TTC7A: variants seen among roughly 807,000 people sequenced by gnomAD.
The protein encoded by TTC7A is tetratricopeptide repeat protein 7A.
A neutral mutation model predicts 103.7 loss-of-function variants in TTC7A; 110 were observed. That is an observed-to-expected ratio of 1.06 (90% CI 0.91 to 1.24). The LOEUF (loss-of-function observed/expected upper bound fraction) is 1.24. Ranked by LOEUF, TTC7A falls within the 50% of genes most tolerant of loss-of-function variation. The pLI is 0.00. For synonymous variants in TTC7A, 521 were observed against 467.9 expected (o/e 1.11, Z -1.47); for missense variants, 1,340 against 1,116.3 (o/e 1.20, Z -2.86).
chr2:47,070,742 G>A (rs1287236223), intron 19 of TTC7A, among the ~76,000 whole-genome samples: 2 of 152,132 alleles, frequency 1.3e-5, no homozygotes, highest in African/African-American at 4.8e-5. Flanking sequence ...GGGAATTTCT[G>A]GGGACTTCCC....
chr2:47,043,995 G>A (rs1205247022), intron 15 of TTC7A, among the ~76,000 whole-genome samples: 2 of 152,194 alleles, frequency 1.3e-5, no homozygotes, highest in Admixed American at 1.3e-4. Flanking sequence ...GAGGGCCCGG[G>A]GAATGCAGCA....
intron 2 of TTC7A, among the ~76,000 whole-genome samples, chr2:46,935,614 T>A (rs2103857654): frequency 6.6e-6 from 1 of 152,256 alleles, no homozygotes; most frequent in African/African-American, 2.4e-5. Flanking sequence ...CTTTTCTAGA[T>A]AGCATTCAAT....
chr2:47,070,016 G>T (rs1684531139), intron 19 of TTC7A, among the ~76,000 whole-genome samples: 1 of 152,126 alleles, frequency 6.6e-6, no homozygotes, highest in African/African-American at 2.4e-5. Flanking sequence ...GGAGGGCTCA[G>T]CCTGGCCCAC....
At chr2:47,073,394 C>T (rs1245228449) in intron 19 of TTC7A, among the ~76,000 whole-genome samples, 1 of 152,162 alleles carries the variant, frequency 6.6e-6, no homozygotes, top group Non-Finnish European at 1.5e-5. Context: ...CTGGGATTTG[C>T]CTAGGATCCC....
intron 8 of TTC7A, among the ~76,000 whole-genome samples, chr2:46,998,046 C>G (rs533577551): frequency 1.1e-4 from 17 of 152,148 alleles, no homozygotes; most frequent in Non-Finnish European, 2.1e-4. Context: ...GCCTCAGAGA[C>G]TAGGGGTTAT....
At chr2:47,070,599 C>T (rs1010111472) in intron 19 of TTC7A, among the ~76,000 whole-genome samples, 5 of 152,150 alleles carry the variant, frequency 3.3e-5, no homozygotes, top group African/African-American at 1.2e-4. Flanking sequence ...GACCTTGAGG[C>T]GGTTGTGTGG....
chr2:46,991,642 G>C (rs952016179), intron 5 of TTC7A, among the ~76,000 whole-genome samples: 2 of 152,134 alleles, frequency 1.3e-5, no homozygotes, highest in Admixed American at 1.3e-4. Context: ...GGAAAAGTAC[G>C]ACATAAATAA....
chr2:47,062,668 A>G (rs1256391576), intron 19 of TTC7A, among the ~76,000 whole-genome samples: 1 of 152,238 alleles, frequency 6.6e-6, no homozygotes, highest in African/African-American at 2.4e-5. Flanking sequence ...TGAAAACCCA[A>G]CAGAATCCAA....
At position 47,023,619 on chromosome 2, in the gene TTC7A, G is replaced by A. The variant is rs546107871; in HGVS notation, c.1568+154G>A. Among the ~76,000 whole-genome samples the A allele has an allele frequency of 9.7e-4, 148 of 152,244 alleles. 1 individual carries two copies. The highest frequency in any genetic ancestry group is 3.1e-3 in the African/African-American group (130 of 41,534). On this transcript the variant is annotated intron_variant, in intron 13 of 19. Coordinates refer to ENST00000319190, the MANE Select transcript of TTC7A (RefSeq NM_020458.4). ...CTGCACACAGCAAGCAGGGATAGGC[G>A]TTGGGGATTGGGCAGGCAGCCGAGC...
At chr2:46,921,897 GT>G (rs34412597) in intron 2 of TTC7A, among the ~76,000 whole-genome samples, 25,850 of 152,190 alleles carry the variant, frequency 0.17, 2,623 homozygotes, top group African/African-American at 0.28. Flanking sequence ...CATAGCTCAG[GT>G]TGGTAATGCT....
rs76646803 is a variant in TTC7A at position 46,931,973 on chromosome 2, A to C, written c.82+14696A>C. Among the ~76,000 whole-genome samples, 331 of 152,336 alleles carry C rather than the reference A, an allele frequency of 2.2e-3. 1 individual carries two copies. The highest frequency in any genetic ancestry group is 3.4e-3 in the Non-Finnish European group (234 of 68,034). ...TAACCTTTGAAAATCAAAGTATTTC[A>C]CCATATTAATGGATCTAAGGAAGAA... On this transcript the variant is annotated intron_variant, in intron 2 of 20. Transcript: ENST00000409245.
chr2:47,057,508 A>C (rs1683416131), intron 18 of TTC7A, among the ~76,000 whole-genome samples: 1 of 152,202 alleles, frequency 6.6e-6, no homozygotes, highest in African/African-American at 2.4e-5. Context: ...GGGGTCCCCA[A>C]GGGAGGGACA....
At chr2:47,000,771 G>A (rs149053828) in intron 8 of TTC7A, among the ~76,000 whole-genome samples, 21 of 152,292 alleles carry the variant, frequency 1.4e-4, no homozygotes, top group Non-Finnish European at 1.8e-4. Flanking sequence ...TTGTTCCTTG[G>A]CCAATGGAGA....
intron 2 of TTC7A, among the ~76,000 whole-genome samples, chr2:46,923,041 G>A (rs1669187101): frequency 6.6e-6 from 1 of 152,202 alleles, no homozygotes; most frequent in Non-Finnish European, 1.5e-5. Context: ...GATACATAGG[G>A]TGAGGTCTGG....
intron 8 of TTC7A, 90 bp from the exon 9 acceptor site, chr2:47,005,832 C>T (rs878938369): frequency 2.3e-5 from 34 of 1,459,674 alleles, no homozygotes; most frequent in Middle Eastern, 1.7e-4. Flanking sequence ...AAGGTGATAG[C>T]GGCTGGGCCA....
intron 8 of TTC7A, among the ~76,000 whole-genome samples, chr2:47,003,806 C>T (rs1233516305): frequency 1.3e-5 from 2 of 152,240 alleles, no homozygotes; most frequent in African/African-American, 2.4e-5. Flanking sequence ...CACACCCGAG[C>T]CACTCTTGCC....
Position 46,950,471 on chromosome 2 carries a change from A to C in TTC7A, c.293A>C (p.Lys98Thr), listed in dbSNP as rs983330242. The change falls in exon 2 of 20, where the codon AAG (lysine) becomes ACG (threonine). Residue 98 changes from lysine to threonine, a missense_variant. Physicochemically the swap from Lys to Thr is moderately conservative, Grantham distance 78 (BLOSUM62 -1). Coordinates refer to ENST00000319190, the MANE Select transcript of TTC7A (RefSeq NM_020458.4). ...SMPLLEKNEP[K>T]MSEAKNYLSS... ...CCTTTGCTGGAGAAGAATGAGCCGA[A>C]GATGAGCGAAGCCAAAAATTATCTA... 14 of 1,614,100 alleles carry C rather than the reference A, an allele frequency of 8.7e-6. No homozygotes were observed. Among genetic ancestry groups the C allele is most frequent in the Non-Finnish European group, 1.2e-5 (14 of 1,180,058 alleles).
chr2:46,954,007 C>T (rs927414676), intron 2 of TTC7A, among the ~76,000 whole-genome samples: 1 of 152,156 alleles, frequency 6.6e-6, no homozygotes, highest in South Asian at 2.1e-4. Flanking sequence ...ACAACCCAGG[C>T]CTTTAGTGTC....
In TTC7A at chr2:46,972,244, G is replaced by A. The variant is rs1203965673; in HGVS notation, c.518-2729G>A. 5.3e-5 allele frequency among the ~76,000 whole-genome samples: 8 copies of A among 150,554 alleles called. No individual in the cohort carries two copies. In the South Asian group the frequency reaches 1.3e-3, roughly 24 times the overall value. On this transcript the variant is annotated intron_variant, in intron 3 of 19. Transcript: ENST00000319190. ...GCAAATACAGTTGTTTTTCCATACA[G>A]CATTAATTTCTAGTAAGGCTAACAA... is the stretch of plus-strand genomic sequence containing the variant.
Sources: allele counts gnomAD v4.1 joint callset (sites outside exome capture counted in the v4.1 genomes callset), GRCh38; gene constraint gnomAD v4.1.1; transcripts MANE v1.5; gene names NCBI Gene and HGNC (gene_info 2026-07-23, HGNC 2026-07-21).